The following USH2A variants were observed in gnomAD, a reference collection of about 807,000 sequenced individuals.
USH2A encodes the protein usherin.
USH2A carries 443 observed loss-of-function variants against 538.9 expected under a neutral mutation model. The observed-to-expected ratio is 0.82, with a 90% CI of 0.76 to 0.89. USH2A has a LOEUF of 0.89. Among genes scored for constraint, USH2A ranks in the 40% least tolerant of loss-of-function variants. The pLI, the probability that USH2A is intolerant of heterozygous loss-of-function variation, is 0.00. For synonymous variants in USH2A, 2,413 were observed against 2,273.5 expected, an observed-to-expected ratio of 1.06 and a Z score of -1.75; for missense variants, 6,633 against 6,324.8, an observed-to-expected ratio of 1.05 and a Z score of -1.65.
Position 215,628,924 on chromosome 1 carries a change from AGTAG to A in USH2A, c.15405_15408del (p.Tyr5136ProfsTer21). On this transcript the variant is annotated frameshift_variant, in exon 71 of 72. Transcript: ENST00000307340. LOFTEE classifies it high-confidence loss of function. ...ACGCTGCGGTGAAGAGAACCCTGGG[AGTAG>A]GTTAGGCTGGTTTGGTTTTGACTCG... is the stretch of plus-strand genomic sequence containing the variant. The A allele has an allele frequency of 6.2e-7, 1 of 1,614,088 alleles. No homozygotes were observed. Among genetic ancestry groups the A allele is most frequent in the South Asian group, 1.1e-5 (1 of 91,080 alleles).
chr1:215,778,713 A>T (rs1044724499), intron 55 of USH2A, among the ~76,000 whole-genome samples: 3 of 152,294 alleles, frequency 2.0e-5, no homozygotes, highest in East Asian at 3.9e-4. Context: ...TCTTGGAAGG[A>T]GGTGGCTGAC....
intron 9 of USH2A, among the ~76,000 whole-genome samples, chr1:216,304,043 T>C (rs1028196268): frequency 1.3e-5 from 2 of 151,974 alleles, no homozygotes; most frequent in African/African-American, 4.8e-5. Context: ...TAATCAATCA[T>C]ATTATTGTGT....
chr1:215,727,807 T>C (rs1649666245), intron 61 of USH2A, among the ~76,000 whole-genome samples: 1 of 152,150 alleles, frequency 6.6e-6, no homozygotes, highest in African/African-American at 2.4e-5. Flanking sequence ...TTTATTGGTT[T>C]TGAGGTAATC....
Position 215,970,661 on chromosome 1 carries a change from T to TTGGACTCTGAAGGAATG in USH2A, c.6904_6920dup (p.Gln2307HisfsTer25), listed in dbSNP as rs1667472317. ...GAGCACAACCTTTGGCCGTGCATGC[T>TTGGACTCTGAAGGAATG]TGGACTCTGAAGGAATGTAAACTCC... On this transcript the variant is annotated frameshift_variant, in exon 36 of 72. Coordinates refer to ENST00000307340, the MANE Select transcript of USH2A (RefSeq NM_206933.4). LOFTEE classifies it high-confidence loss of function. 2.5e-6 allele frequency: 4 copies of TTGGACTCTGAAGGAATG among 1,613,668 alleles called. No individual in the cohort carries two copies. In the South Asian group the frequency reaches 4.4e-5, roughly 18 times the overall value.
intron 21 of USH2A, among the ~76,000 whole-genome samples, chr1:216,130,196 G>A (rs929244615): frequency 6.6e-6 from 1 of 151,812 alleles, no homozygotes. Flanking sequence ...GGGCACAGGT[G>A]GTGTTTGGTT....
At chr1:215,647,375 G>T in intron 67 of USH2A, 147 bp downstream of exon 67, 1 of 1,014,838 alleles carries the variant, frequency 9.9e-7, no homozygotes, top group Non-Finnish European at 1.5e-6. Flanking sequence ...TTCCTCAGTA[G>T]TCATCCTCAT....
intron 21 of USH2A, among the ~76,000 whole-genome samples, chr1:216,158,413 T>C (rs1398037996): frequency 6.6e-6 from 1 of 152,046 alleles, no homozygotes; most frequent in Non-Finnish European, 1.5e-5. Flanking sequence ...TTTCAGCTTT[T>C]TGTAGAGATG....
chr1:216,233,140 A>G (rs757547380), intron 13 of USH2A, among the ~76,000 whole-genome samples: 14 of 152,280 alleles, frequency 9.2e-5, no homozygotes, highest in Non-Finnish European at 8.8e-5. Flanking sequence ...AAATAAATCC[A>G]AATCTCTCAC....
intron 21 of USH2A, among the ~76,000 whole-genome samples, chr1:216,142,080 G>T (rs2033614671): frequency 6.6e-6 from 1 of 151,876 alleles, no homozygotes; most frequent in Non-Finnish European, 1.5e-5. Context: ...TTATTTCTTT[G>T]AACAAGTTCA....
intron 9 of USH2A, among the ~76,000 whole-genome samples, chr1:216,297,579 A>T (rs1399544541): frequency 6.6e-6 from 1 of 152,090 alleles, no homozygotes; most frequent in Non-Finnish European, 1.5e-5. Flanking sequence ...TAAAAATCCA[A>T]CAGAATTGTT....
Position 216,251,018 on chromosome 1 carries a change from T to C in USH2A, c.2052A>G (p.Gln684=), listed in dbSNP as rs111033248. The C allele has an allele frequency of 1.2e-3, 1,902 of 1,614,074 alleles. 8 individuals carry two copies. The highest frequency in any genetic ancestry group is 6.1e-3 in the South Asian group (559 of 91,082). The part of the protein sequence containing the change: ...NQCQNGFYNL[Q]ELDPDGCSPC... ...GACTGCAGCCATCAGGATCCAACTCTTGTAGATTGTAGAATCCATTCTGGC... is the reference window on the plus strand; with the variant it reads ...GACTGCAGCCATCAGGATCCAACTCCTGTAGATTGTAGAATCCATTCTGGC... The change falls in exon 12 of 72, where the codon CAA becomes CAG. Residue 684 remains glutamine, a synonymous_variant. Coordinates refer to ENST00000307340, the MANE Select transcript of USH2A (RefSeq NM_206933.4).
intron 4 of USH2A, among the ~76,000 whole-genome samples, chr1:216,349,403 C>G (rs1253847990): frequency 6.6e-6 from 1 of 152,090 alleles, no homozygotes; most frequent in East Asian, 1.9e-4. Context: ...AAGGCTGAGG[C>G]CTACTGGGCT....
At position 215,799,031 on chromosome 1, in the gene USH2A, G is replaced by T. The variant is rs904037823; in HGVS notation, c.9834C>A (p.Asn3278Lys). 4 of 1,613,928 alleles carry T rather than the reference G, an allele frequency of 2.5e-6. No individual in the cohort carries two copies. Among genetic ancestry groups the T allele is most frequent in the Middle Eastern group, 1.6e-4 (1 of 6,084 alleles). Reference protein sequence around the residue: ...CGRMPYSTSGNQICCAGRLHD... With the variant: ...CGRMPYSTSGKQICCAGRLHD... ...GAAGCCTCCCAGCACAGCAAATCTG[G>T]TTTCCTGAGGTGGAGTACGGCATTC... Residue 3278 changes from asparagine to lysine, a missense_variant, in exon 50 of 72, where the codon AAC becomes AAA. Coordinates refer to ENST00000307340, the MANE Select transcript of USH2A (RefSeq NM_206933.4).
At chr1:215,648,067 A>T (rs760325002) in intron 66 of USH2A, among the ~76,000 whole-genome samples, 1 of 152,008 alleles carries the variant, frequency 6.6e-6, no homozygotes, top group Non-Finnish European at 1.5e-5. Context: ...AGAGTAAATA[A>T]TTTTTTTTCT....
rs755315304 is a variant in USH2A at position 215,846,011 on chromosome 1, T to G, written c.8868A>C (p.Glu2956Asp). The stretch of plus-strand genomic sequence containing the variant: ...TCCAAAAAAGTGTGTAATATTCAAC[T>G]TCACCTTGTAGGTCTTGAACAGCTG... ...AKPTVQDLQG[E>D]VEYYTLFWSS... Residue 2956 changes from glutamate (E) to aspartate (D), a missense_variant, in exon 45 of 72, where the codon GAA becomes GAC. Physicochemically the swap from Glu to Asp is conservative, Grantham distance 45 (BLOSUM62 2). Transcript: ENST00000307340. 1 of 1,577,440 alleles carries G rather than the reference T, an allele frequency of 6.3e-7. No homozygotes were observed. The highest frequency in any genetic ancestry group is 8.7e-7 in the Non-Finnish European group (1 of 1,155,370).
intron 32 of USH2A, among the ~76,000 whole-genome samples, chr1:216,027,289 C>T (rs945246412): frequency 2.0e-5 from 3 of 152,090 alleles, no homozygotes; most frequent in African/African-American, 7.2e-5. Flanking sequence ...GAAAAGACCA[C>T]GTAAGAACAT....
intron 11 of USH2A, among the ~76,000 whole-genome samples, chr1:216,278,401 T>G (rs945149707): frequency 2.0e-5 from 3 of 152,212 alleles, no homozygotes; most frequent in Non-Finnish European, 4.4e-5. Context: ...GATTAATTTT[T>G]CCCTTCTTTT....
chr1:215,800,309 C>A (rs1374231318), intron 49 of USH2A, among the ~76,000 whole-genome samples: 2 of 152,182 alleles, frequency 1.3e-5, no homozygotes, highest in African/African-American at 4.8e-5. Context: ...CTTCTTCCTA[C>A]ACCTTCAACA....
At chr1:215,641,571 T>A (rs1169926229) in intron 67 of USH2A, among the ~76,000 whole-genome samples, 1 of 152,168 alleles carries the variant, frequency 6.6e-6, no homozygotes, top group Admixed American at 6.6e-5. Flanking sequence ...TACCATGTCA[T>A]CTTGTCAAGT....
Sources: gnomAD v4.1 joint callset for allele counts (sites outside exome capture counted in the v4.1 genomes callset) on GRCh38, gnomAD v4.1.1 for gene constraint, MANE v1.5 for transcripts, NCBI Gene and HGNC (gene_info 2026-07-23, HGNC 2026-07-21) for gene names.